Variants in TEX30 observed in about 807,000 individuals in gnomAD.
TEX30 encodes testis-expressed protein 30.
Under a neutral mutation model 23.8 loss-of-function variants are expected in TEX30, and 14 were observed. The ratio of observed to expected loss-of-function variants is 0.59; its 90% confidence interval spans 0.39 to 0.92. The LOEUF is 0.92. TEX30 is among the 40% of genes least tolerant of loss of function. The pLI is 0.00. For missense variants in TEX30, 246 were observed against 270.6 expected (o/e 0.91, Z 0.64); for synonymous variants, 78 against 90.2 (o/e 0.87, Z 0.76).
intron 5 of TEX30, 106 bp from the exon 6 acceptor site, chr13:102,766,686 A>G (rs1876910942): frequency 9.2e-7 from 1 of 1,084,814 alleles, no homozygotes. Flanking sequence ...TATTCATTAA[A>G]TGCTTTCTCA....
intron 1 of TEX30, among the ~76,000 whole-genome samples, chr13:102,772,652 T>G (rs1310860324): frequency 6.6e-6 from 1 of 152,182 alleles, no homozygotes; most frequent in East Asian, 1.9e-4. Flanking sequence ...CTCGGCTCAC[T>G]GCAGCCTCTG....
At chr13:102,768,814 AT>A (rs1188817135) in intron 3 of TEX30, among the ~76,000 whole-genome samples, 6 of 152,322 alleles carry the variant, frequency 3.9e-5, no homozygotes, top group East Asian at 1.9e-4. Flanking sequence ...TGCAAAAAAA[AT>A]CTCATAATGT....
rs979052845 is a variant in TEX30, at chr13:102,766,295, C to T, written c.*106G>A. 8.4e-6 allele frequency: 8 copies of T among 954,744 alleles called. No homozygotes were observed. Among genetic ancestry groups the T allele is most frequent in the African/African-American group, 1.7e-5 (1 of 60,052 alleles). 59.1% of individuals were successfully genotyped at this position (954,744 alleles called of 1,614,324 possible). On this transcript the variant is annotated 3_prime_UTR_variant, in exon 6 of 6. Coordinates refer to ENST00000376032, the MANE Select transcript of TEX30 (RefSeq NM_138779.5). ...AAAACGTGTTTCAAAAATAAGGGAA[C>T]ATTAAAGAACATCAAATTAGTCTGA... is the stretch of plus-strand genomic sequence containing the variant.
At position 102,767,423 on chromosome 13, in the gene TEX30, A is replaced by T. The variant is rs768373525; in HGVS notation, c.354T>A (p.Asp118Glu). Residue 118 changes from aspartate to glutamate, a missense_variant, in exon 5 of 6, where the codon GAT becomes GAA. Physicochemically the swap from Asp to Glu is conservative, Grantham distance 45 (BLOSUM62 2). Coordinates refer to ENST00000376032, the MANE Select transcript of TEX30 (RefSeq NM_138779.5). ...AASVMCHIEP[D>E]DGDDFVRGLI... is the part of the protein sequence containing the mutation. ...GACCCCGAACAAAATCATCACCATC[A>T]TCTGGCTCAATGTGACACATTACAG... The T allele has an allele frequency of 5.0e-6, 8 of 1,614,198 alleles. No homozygotes were observed. The Admixed American group carries it at 1.3e-4, about 27-fold the overall frequency.
rs767857286 is a variant in TEX30, at chr13:102,767,475, C to T, written c.302G>A (p.Arg101His). Residue 101 changes from arginine to histidine, a missense_variant, in exon 5 of 6, where the codon CGT (arginine) becomes CAT (histidine). Coordinates refer to ENST00000376032, the MANE Select transcript of TEX30 (RefSeq NM_138779.5). ...AGCAGCTGCTCTTGAGCCCATTGAA[C>T]GACCTAAAATCAATTAAAATTAAGT... ...YKLAGVFLGG[R>H]SMGSRAAASV... is the part of the protein sequence containing the mutation. 14 of 1,613,818 alleles carry T rather than the reference C, an allele frequency of 8.7e-6. No individual in the cohort carries two copies. Among genetic ancestry groups the T allele is most frequent in the East Asian group, 4.5e-5 (2 of 44,892 alleles).
At position 102,773,759 on chromosome 13, in the gene TEX30, C is replaced by A. The variant is rs1436940238; in HGVS notation, c.-138G>T. Reference sequence around the variant, plus strand: ...GAGCTGACTAGCGCGCTCGAAGCGACCGCCTCGCCTGCCCCGCCACAGCGT... The same window carrying A: ...GAGCTGACTAGCGCGCTCGAAGCGAACGCCTCGCCTGCCCCGCCACAGCGT... On this transcript the variant is annotated 5_prime_UTR_variant, in exon 1 of 6. Transcript: ENST00000376032. 3.3e-5 allele frequency: 5 copies of A among 152,182 alleles called. No homozygotes were observed. Among genetic ancestry groups the A allele is most frequent in the Non-Finnish European group, 7.4e-5 (5 of 68,024 alleles). 9.4% of individuals were successfully genotyped at this position (152,182 alleles called of 1,614,324 possible).
Position 102,770,081 on chromosome 13 carries a change from A to G in TEX30, c.-55T>C, listed in dbSNP as rs866364139. 1 of 1,254,220 alleles carries G rather than the reference A, an allele frequency of 8.0e-7. No homozygotes were observed. Among genetic ancestry groups the G allele is most frequent in the Non-Finnish European group, 1.0e-6 (1 of 969,120 alleles). 77.7% of individuals were successfully genotyped at this position (1,254,220 alleles called of 1,614,324 possible). A position where few individuals can be genotyped will look rare whatever the true frequency, so the allele number is the denominator to read the frequency against. On this transcript the variant is annotated 5_prime_UTR_variant, in exon 2 of 6. It removes an upstream start codon present in the reference 5' UTR. Coordinates refer to ENST00000376032, the MANE Select transcript of TEX30 (RefSeq NM_138779.5). Reference sequence around the variant, plus strand: ...CATTTACATCTGAGAAGCAAAGGACATCTCCCTGAAAAGAAGATTCTGTTG... The same window carrying G: ...CATTTACATCTGAGAAGCAAAGGACGTCTCCCTGAAAAGAAGATTCTGTTG...
intron 2 of TEX30, 137 bp from the exon 3 acceptor site, chr13:102,769,678 A>G (rs1389834726): frequency 1.6e-6 from 1 of 619,298 alleles, no homozygotes; most frequent in Non-Finnish European, 2.8e-6. Flanking sequence ...GATATTAATA[A>G]TAGTAGTTAA....
rs183314264 is a variant in TEX30, at chr13:102,769,433, T to A, written c.124A>T (p.Met42Leu). Residue 42 changes from methionine to leucine, a missense_variant, in exon 3 of 6, where the codon ATG becomes TTG. Met to Leu is a conservative substitution (Grantham distance 15, BLOSUM62 2). Coordinates refer to ENST00000376032, the MANE Select transcript of TEX30 (RefSeq NM_138779.5). ...IILTHGASGDMNLPHLMSLAS... is the reference protein window; with the variant it reads ...IILTHGASGDLNLPHLMSLAS... ...AGTGACATCAAATGAGGAAGATTCA[T>A]ATCTCCTGATGCTCCATGTGTAAGA... The A allele has an allele frequency of 9.9e-6, 16 of 1,611,172 alleles. No homozygotes were observed. The East Asian group carries it at 3.3e-4, about 34-fold the overall frequency.
chr13:102,770,901 T>G (rs575172704), intron 1 of TEX30: 2 of 152,238 alleles, frequency 1.3e-5, no homozygotes, highest in Non-Finnish European at 2.9e-5. Flanking sequence ...TTAAGAGCTC[T>G]TGTATTGTTT....
intron 1 of TEX30, chr13:102,770,671 C>T (rs1416343428): frequency 6.6e-6 from 1 of 152,170 alleles, no homozygotes; most frequent in Non-Finnish European, 1.5e-5. Flanking sequence ...CCCTTTTGAA[C>T]TTTCACCCTC....
At chr13:102,770,403 A>G in intron 1 of TEX30, 1 of 160,428 alleles carries the variant, frequency 6.2e-6, no homozygotes, top group Non-Finnish European at 1.4e-5. Flanking sequence ...TTTTGTAAGA[A>G]TCTTCATTCT....
rs1290158765 is a variant in TEX30 at position 102,769,470 on chromosome 13, T to TG, written c.86dup (p.Tyr30IlefsTer38). ...CTCCATGTGTAAGAATTATTCCATA[T>TG]GTTAAGCTCTTGTTAGGTACCAAAC... is the stretch of plus-strand genomic sequence containing the variant. On this transcript the variant is annotated frameshift_variant, in exon 3 of 6. Coordinates refer to ENST00000376032, the MANE Select transcript of TEX30 (RefSeq NM_138779.5). LOFTEE classifies it high-confidence loss of function. The TG allele has an allele frequency of 6.2e-7, 1 of 1,611,938 alleles. No individual in the cohort carries two copies. Among genetic ancestry groups the TG allele is most frequent in the African/African-American group, 1.3e-5 (1 of 74,852 alleles).
At chr13:102,772,820 G>C (rs143007453) in intron 1 of TEX30, among the ~76,000 whole-genome samples, 1 of 152,244 alleles carries the variant, frequency 6.6e-6, no homozygotes, top group East Asian at 1.9e-4. Context: ...ACCCGCCTCG[G>C]CCTCCCATGG....
Position 102,766,422 on chromosome 13 carries a change from T to C in TEX30, c.663A>G (p.Glu221=), listed in dbSNP as rs773140588. The change falls in exon 6 of 6, where the codon GAA becomes GAG. Residue 221 remains glutamate, a synonymous_variant. Coordinates refer to ENST00000376032, the MANE Select transcript of TEX30 (RefSeq NM_138779.5). The part of the protein sequence containing the change: ...QILFWIQEIT[E]MDKKCH Reference sequence around the variant, plus strand: ...TTAACTAATGACATTTCTTGTCCATTTCAGTAATTTCTTGGATCCAAAACA... The same window carrying C: ...TTAACTAATGACATTTCTTGTCCATCTCAGTAATTTCTTGGATCCAAAACA... 3.7e-6 allele frequency: 6 copies of C among 1,613,740 alleles called. No homozygotes were observed. Among genetic ancestry groups the C allele is most frequent in the Non-Finnish European group, 5.1e-6 (6 of 1,179,806 alleles).
chr13:102,768,421 T>C, intron 3 of TEX30, 110 bp from the exon 4 acceptor site: 1 of 748,478 alleles, frequency 1.3e-6, no homozygotes, highest in Non-Finnish European at 2.1e-6. Context: ...TATGCAAAGA[T>C]AACCAGAAAA....
intron 1 of TEX30, chr13:102,770,661 C>T (rs1432162268): frequency 6.6e-6 from 1 of 152,094 alleles, no homozygotes; most frequent in Non-Finnish European, 1.5e-5. Flanking sequence ...CTTCCAGAAG[C>T]CCTTTTGAAC....
Position 102,770,043 on chromosome 13 carries a change from C to A in TEX30, c.-17G>T. ...ATGACTCATTTTCACTGTTGAATAACAAACTTAAAGTGCATTTACATCTGA... is the reference window on the plus strand; with the variant it reads ...ATGACTCATTTTCACTGTTGAATAAAAAACTTAAAGTGCATTTACATCTGA... On this transcript the variant is annotated 5_prime_UTR_variant, in exon 2 of 6. Coordinates refer to ENST00000376032, the MANE Select transcript of TEX30 (RefSeq NM_138779.5). 7.1e-7 allele frequency: 1 copy of A among 1,399,002 alleles called. No homozygotes were observed. 86.7% of individuals were successfully genotyped at this position (1,399,002 alleles called of 1,614,324 possible). A position where few individuals can be genotyped will look rare whatever the true frequency, so the allele number is the denominator to read the frequency against.
In TEX30 at chr13:102,767,393, A is replaced by T; in HGVS notation, c.384T>A (p.Ile128=). 6.2e-7 allele frequency: 1 copy of T among 1,614,152 alleles called. No homozygotes were observed. The highest frequency in any genetic ancestry group is 8.5e-7 in the Non-Finnish European group (1 of 1,180,012). The change falls in exon 5 of 6, where the codon ATT becomes ATA. Residue 128 remains isoleucine (I), a synonymous_variant. Coordinates refer to ENST00000376032, the MANE Select transcript of TEX30 (RefSeq NM_138779.5). The part of the protein sequence containing the change: ...DDGDDFVRGL[I]CISYPLHHPK... ...GATGGTGCAGTGGGTAAGAAATACA[A>T]ATGAGACCCCGAACAAAATCATCAC...
Sources: allele counts gnomAD v4.1 joint callset (sites outside exome capture counted in the v4.1 genomes callset), GRCh38; gene constraint gnomAD v4.1.1; transcripts MANE v1.5; gene names NCBI Gene and HGNC (gene_info 2026-07-23, HGNC 2026-07-21).